GRIN2B: variants seen among roughly 807,000 people sequenced by gnomAD.
The protein encoded by GRIN2B is glutamate receptor ionotropic, NMDA 2B.
In GRIN2B, 5 loss-of-function variants were observed where a neutral mutation model predicts 114.5. The observed-to-expected ratio is 0.04, with a 90% CI of 0.02 to 0.09. The LOEUF (loss-of-function observed/expected upper bound fraction) is 0.09, where lower values mean the gene tolerates loss of function less well. Among genes scored for constraint, GRIN2B ranks in the 10% least tolerant of loss-of-function variants. GRIN2B has a pLI of 1.00. For missense variants in GRIN2B, 1,108 were observed against 1,943.5 expected (o/e 0.57, Z 8.08); for synonymous variants, 787 against 745.1 (o/e 1.06, Z -0.92).
At chr12:13,867,800 G>T (rs1384366263) in intron 2 of GRIN2B, among the ~76,000 whole-genome samples, 1 of 151,274 alleles carries the variant, frequency 6.6e-6, no homozygotes, top group Non-Finnish European at 1.5e-5. Flanking sequence ...TCTACAAACT[G>T]CAACCAGAAC....
chr12:13,783,764 C>T (rs1396905623), intron 3 of GRIN2B, among the ~76,000 whole-genome samples: 7 of 152,010 alleles, frequency 4.6e-5, no homozygotes, highest in Admixed American at 3.9e-4. Context: ...TTTAAATAGA[C>T]AAAGAGGCCT....
Position 13,547,426 on chromosome 12 carries a change from A to G in GRIN2B, c.*15357T>C, listed in dbSNP as rs937075925. 1 of 152,168 alleles carries G rather than the reference A, an allele frequency of 6.6e-6. No individual in the cohort carries two copies. The highest frequency in any genetic ancestry group is 1.5e-5 in the Non-Finnish European group (1 of 68,028). 9.4% of individuals were successfully genotyped at this position (152,168 alleles called of 1,614,324 possible). On this transcript the variant is annotated 3_prime_UTR_variant, in exon 14 of 14. Coordinates refer to ENST00000609686, the MANE Select transcript of GRIN2B (RefSeq NM_000834.5). ...GTGTCTCAAAGAAGAGATAACTTTG[A>G]GGGAGAGGATGAAAACTGCAAAGAC...
intron 2 of GRIN2B, among the ~76,000 whole-genome samples, chr12:13,970,507 C>G (rs1289800501): frequency 3.9e-5 from 6 of 152,136 alleles, no homozygotes; most frequent in African/African-American, 4.8e-5. Flanking sequence ...TTACCAACAA[C>G]CAATATTTTC....
intron 3 of GRIN2B, among the ~76,000 whole-genome samples, chr12:13,826,061 T>C (rs1865030081): frequency 1.3e-5 from 2 of 152,176 alleles, no homozygotes; most frequent in Non-Finnish European, 2.9e-5. Context: ...ATTGACTGTT[T>C]TTTTAGAGTT....
chr12:13,834,480 G>GCAC (rs978860910), intron 3 of GRIN2B, among the ~76,000 whole-genome samples: 84 of 152,190 alleles, frequency 5.5e-4, no homozygotes, highest in African/African-American at 1.9e-3. Flanking sequence ...ACATGTGACT[G>GCAC]CACCAGTGTT....
chr12:13,918,872 T>TGAG (rs1018035810), intron 2 of GRIN2B, among the ~76,000 whole-genome samples: 28 of 152,356 alleles, frequency 1.8e-4, no homozygotes, highest in Admixed American at 7.2e-4. Flanking sequence ...ACAATTAGCT[T>TGAG]GAAAGTCAGC....
chr12:13,834,374 C>T lies in GRIN2B; in HGVS notation c.411+31424G>A, dbSNP rs149547698. On this transcript the variant is annotated intron_variant, in intron 3 of 13. Transcript: ENST00000609686. Reference sequence around the variant, plus strand: ...TTCTAGAACTAGAAGAGGCTGTCCACAGGAAGTTCCACCAGCAGCTTTAGC... The same window carrying T: ...TTCTAGAACTAGAAGAGGCTGTCCATAGGAAGTTCCACCAGCAGCTTTAGC... Among the ~76,000 whole-genome samples, 1,298 of 152,056 alleles carry T rather than the reference C, an allele frequency of 8.5e-3. 18 individuals are homozygous for T. The highest frequency in any genetic ancestry group is 0.031 in the African/African-American group (1,269 of 41,446).
intron 3 of GRIN2B, among the ~76,000 whole-genome samples, chr12:13,821,981 T>G (rs1224658486): frequency 6.6e-6 from 1 of 152,170 alleles, no homozygotes; most frequent in African/African-American, 2.4e-5. Context: ...AGCCATGAAA[T>G]ATGTCCTAAT....
chr12:13,728,462 T>G (rs1863030036), intron 4 of GRIN2B, among the ~76,000 whole-genome samples: 1 of 152,134 alleles, frequency 6.6e-6, no homozygotes. Context: ...GTTTTAAAAA[T>G]AAGAAATTTG....
chr12:13,718,629 T>C (rs569129118), intron 4 of GRIN2B, among the ~76,000 whole-genome samples: 275 of 152,120 alleles, frequency 1.8e-3, no homozygotes, highest in African/African-American at 6.4e-3. Flanking sequence ...AGAGAAACTA[T>C]AATGTTGCCT....
chr12:13,659,245 A>G (rs1312206113), intron 5 of GRIN2B, among the ~76,000 whole-genome samples: 1 of 152,192 alleles, frequency 6.6e-6, no homozygotes, highest in African/African-American at 2.4e-5. Flanking sequence ...TTGATGTCCC[A>G]GTGTCCCATA....
chr12:13,543,202 A>G lies in GRIN2B; in HGVS notation c.*19581T>C, dbSNP rs1401335573. The stretch of plus-strand genomic sequence containing the variant: ...TGCTCCTTCTATAACCTTTTCCTCT[A>G]TCTTATCTCAGCCCACCACCCCAAC... On this transcript the variant is annotated 3_prime_UTR_variant, in exon 14 of 14. Coordinates refer to ENST00000609686, the MANE Select transcript of GRIN2B (RefSeq NM_000834.5). 2 of 151,866 alleles carry G rather than the reference A, an allele frequency of 1.3e-5. No homozygotes were observed. Among genetic ancestry groups the G allele is most frequent in the African/African-American group, 2.4e-5 (1 of 41,266 alleles). 9.4% of individuals were successfully genotyped at this position (151,866 alleles called of 1,614,324 possible). A position where few individuals can be genotyped will look rare whatever the true frequency, so the allele number is the denominator to read the frequency against.
chr12:13,871,325 GATTAA>G (rs138791786), intron 2 of GRIN2B, among the ~76,000 whole-genome samples: 2,981 of 150,136 alleles, frequency 0.02, 108 homozygotes, highest in African/African-American at 0.07. Context: ...TCTATAATGT[GATTAA>G]ATTAAAAGTA....
At chr12:13,582,016 G>A (rs1261691324) in intron 10 of GRIN2B, among the ~76,000 whole-genome samples, 1 of 151,968 alleles carries the variant, frequency 6.6e-6, no homozygotes, top group African/African-American at 2.4e-5. Context: ...TATTAACTGT[G>A]TGACTCAATA....
chr12:13,898,420 G>A (rs1179928727), intron 2 of GRIN2B, among the ~76,000 whole-genome samples: 4 of 152,346 alleles, frequency 2.6e-5, no homozygotes, highest in Middle Eastern at 6.8e-3. Flanking sequence ...GGCAGAGTAA[G>A]GATTTGAACC....
intron 3 of GRIN2B, among the ~76,000 whole-genome samples, chr12:13,808,755 AT>A (rs1565545474): frequency 0.019 from 997 of 52,598 alleles, 9 homozygotes; most frequent in South Asian, 0.048. Context: ...AAAAAAAAAT[AT>A]ATATATATAT....
At chr12:13,658,548 G>A (rs572815799) in intron 5 of GRIN2B, among the ~76,000 whole-genome samples, 1 of 152,144 alleles carries the variant, frequency 6.6e-6, no homozygotes, top group African/African-American at 2.4e-5. Flanking sequence ...CTTAAGAAGA[G>A]TCTTTTAAGC....
At chr12:13,834,067 G>A (rs548375016) in intron 3 of GRIN2B, among the ~76,000 whole-genome samples, 6 of 113,732 alleles carry the variant, frequency 5.3e-5, no homozygotes, top group African/African-American at 2.0e-4. Context: ...GTCTCGCACT[G>A]TCTCCCAGGC....
chr12:13,924,530 G>A lies in GRIN2B; in HGVS notation c.-19+55398C>T, dbSNP rs530219982. Among the ~76,000 whole-genome samples, 7 of 152,274 alleles carry A rather than the reference G, an allele frequency of 4.6e-5. No homozygotes were observed. The South Asian group carries it at 1.5e-3, about 32-fold the overall frequency. On this transcript the variant is annotated intron_variant, in intron 2 of 13. Coordinates refer to ENST00000609686, the MANE Select transcript of GRIN2B (RefSeq NM_000834.5). ...GGGATTCTCAACCCACAGCACAGCA[G>A]GGATAGAGGGAGCTGGGGAAAGGGC...
Sources: gnomAD v4.1 joint callset for allele counts (sites outside exome capture counted in the v4.1 genomes callset) on GRCh38, gnomAD v4.1.1 for gene constraint, MANE v1.5 for transcripts, NCBI Gene and HGNC (gene_info 2026-07-23, HGNC 2026-07-21) for gene names.